AUH: variants seen among roughly 807,000 people sequenced by gnomAD.
The protein encoded by AUH is methylglutaconyl-CoA hydratase, mitochondrial.
AUH carries 29 observed loss-of-function variants against 42.3 expected under a neutral mutation model. The ratio of observed to expected loss-of-function variants is 0.69; its 90% CI spans 0.51 to 0.93. The LOEUF is 0.93. Ranked by LOEUF, AUH falls within the 40% of genes least tolerant of loss-of-function variation. The pLI is 0.00. For synonymous variants in AUH, 174 were observed against 166.4 expected (o/e 1.05, Z -0.35); for missense variants, 452 against 438.1 (o/e 1.03, Z -0.28).
chr9:91,269,972 G>A (rs1235747264), intron 6 of AUH, among the ~76,000 whole-genome samples: 2 of 152,210 alleles, frequency 1.3e-5, no homozygotes, highest in Non-Finnish European at 1.5e-5. Flanking sequence ...GCTAGTGTAA[G>A]AACTGTCTCC....
intron 6 of AUH, among the ~76,000 whole-genome samples, chr9:91,253,043 T>C (rs1039558089): frequency 7.9e-5 from 12 of 152,236 alleles, no homozygotes; most frequent in African/African-American, 2.9e-4. Flanking sequence ...TCATACAATT[T>C]CTTAAACAAA....
chr9:91,296,313 T>G (rs1827328042), intron 5 of AUH, among the ~76,000 whole-genome samples: 1 of 152,084 alleles, frequency 6.6e-6, no homozygotes, highest in Non-Finnish European at 1.5e-5. Context: ...GTGAATTAAT[T>G]TTTGATTCAC....
chr9:91,279,378 T>G (rs1400609030), intron 6 of AUH, among the ~76,000 whole-genome samples: 1 of 152,192 alleles, frequency 6.6e-6, no homozygotes, highest in African/African-American at 2.4e-5. Context: ...GAGATGGGAT[T>G]TCCAACAGTA....
intron 6 of AUH, among the ~76,000 whole-genome samples, chr9:91,281,892 T>C (rs1263570203): frequency 6.6e-6 from 1 of 152,160 alleles, no homozygotes; most frequent in East Asian, 1.9e-4. Flanking sequence ...CCTTCTAACC[T>C]GGCCCTACTA....
chr9:91,297,059 C>T (rs1827396626), intron 5 of AUH, among the ~76,000 whole-genome samples: 1 of 152,196 alleles, frequency 6.6e-6, no homozygotes, highest in Admixed American at 6.5e-5. Flanking sequence ...AGCCCGAGGA[C>T]ACAGGCAGAG....
intron 6 of AUH, among the ~76,000 whole-genome samples, chr9:91,271,742 G>A (rs1825146705): frequency 6.6e-6 from 1 of 152,118 alleles, no homozygotes; most frequent in Admixed American, 6.5e-5. Flanking sequence ...GTGCAATGGC[G>A]CAATCTCAGC....
At chr9:91,338,847 G>A (rs563537894) in intron 3 of AUH, among the ~76,000 whole-genome samples, 137 of 152,312 alleles carry the variant, frequency 9.0e-4, no homozygotes, top group Non-Finnish European at 1.2e-3. Flanking sequence ...AAACTAATGA[G>A]ACTCACTAAC....
At chr9:91,237,990 A>T (rs1262235178) in intron 6 of AUH, among the ~76,000 whole-genome samples, 2 of 152,222 alleles carry the variant, frequency 1.3e-5, no homozygotes, top group Non-Finnish European at 2.9e-5. Context: ...GATGAGCATT[A>T]CCAAGGGAGT....
At chr9:91,275,598 G>A (rs145236389) in intron 6 of AUH, among the ~76,000 whole-genome samples, 49 of 152,226 alleles carry the variant, frequency 3.2e-4, no homozygotes, top group Non-Finnish European at 5.4e-4. Flanking sequence ...ATCTTAACAC[G>A]GCATCAGGTA....
At position 91,361,791 on chromosome 9, in the gene AUH, C is replaced by T. The variant is rs1047793510; in HGVS notation, c.99G>A (p.Gly33=). The change falls in exon 1 of 10, where the codon GGG becomes GGA. Residue 33 remains glycine, a synonymous_variant. Coordinates refer to ENST00000375731, the MANE Select transcript of AUH (RefSeq NM_001698.3). ...CTGCCAACGAGCCGGGCAGCCTCAA[C>T]CCCGGGCAGAGCCACGCACTGCAAG... The part of the protein sequence containing the change: ...VAACSAWLCP[G]LRLPGSLAGR... The T allele has an allele frequency of 4.5e-6, 7 of 1,540,960 alleles. No individual in the cohort carries two copies. Among genetic ancestry groups the T allele is most frequent in the Non-Finnish European group, 6.1e-6 (7 of 1,145,438 alleles).
At chr9:91,346,904 A>G (rs2132019682) in intron 3 of AUH, among the ~76,000 whole-genome samples, 1 of 152,124 alleles carries the variant, frequency 6.6e-6, no homozygotes, top group Non-Finnish European at 1.5e-5. Flanking sequence ...GCAACTCAGG[A>G]ACAGACCAAT....
At chr9:91,326,173 T>C (rs560223169) in intron 3 of AUH, among the ~76,000 whole-genome samples, 2 of 152,242 alleles carry the variant, frequency 1.3e-5, no homozygotes, top group East Asian at 1.9e-4. Flanking sequence ...AATTACAGTA[T>C]AGAAGGCATA....
intron 6 of AUH, among the ~76,000 whole-genome samples, chr9:91,228,162 G>A (rs1373362439): frequency 6.6e-6 from 1 of 151,606 alleles, no homozygotes; most frequent in Non-Finnish European, 1.5e-5. Flanking sequence ...GGTAGAATTC[G>A]GCTGTGAATC....
At chr9:91,230,587 T>C (rs566869821) in intron 6 of AUH, among the ~76,000 whole-genome samples, 85 of 152,364 alleles carry the variant, frequency 5.6e-4, no homozygotes, top group African/African-American at 1.9e-3. Flanking sequence ...CTTTGTTCCG[T>C]TGCTGGTGAG....
intron 5 of AUH, among the ~76,000 whole-genome samples, 170 bp from the exon 6 acceptor site, chr9:91,296,247 T>C (rs1827324062): frequency 1.3e-5 from 2 of 152,028 alleles, no homozygotes; most frequent in South Asian, 2.1e-4. Flanking sequence ...GTAAGCACTC[T>C]AAATGACATG....
At chr9:91,227,672 T>C (rs1827592835) in intron 6 of AUH, among the ~76,000 whole-genome samples, 1 of 146,646 alleles carries the variant, frequency 6.8e-6, no homozygotes, top group Non-Finnish European at 1.5e-5. Context: ...CCATTCAGTA[T>C]GATATTGGCT....
intron 6 of AUH, among the ~76,000 whole-genome samples, chr9:91,254,417 T>C (rs1829301082): frequency 6.6e-6 from 1 of 152,130 alleles, no homozygotes; most frequent in South Asian, 2.1e-4. Flanking sequence ...GAAAATAAAG[T>C]GTTCAATGCC....
At chr9:91,291,574 A>C (rs1432413130) in intron 6 of AUH, among the ~76,000 whole-genome samples, 1 of 152,234 alleles carries the variant, frequency 6.6e-6, no homozygotes, top group Non-Finnish European at 1.5e-5. Flanking sequence ...TAATAGAGTA[A>C]GTATATATTA....
In AUH at chr9:91,313,557, T is replaced by A. The variant is rs549867743; in HGVS notation, c.505+11761A>T. ...CGTCTCTACTAAAAATACAAAAAATTAGCCGGGCGCGGTGGCGGGCGCCTG... is the reference window on the plus strand; with the variant it reads ...CGTCTCTACTAAAAATACAAAAAATAAGCCGGGCGCGGTGGCGGGCGCCTG... On this transcript the variant is annotated intron_variant, in intron 4 of 9. Transcript: ENST00000375731. 2.0e-5 allele frequency among the ~76,000 whole-genome samples: 3 copies of A among 151,200 alleles called. No homozygotes were observed. In the South Asian group the frequency reaches 6.3e-4, roughly 32 times the overall value.
Sources: allele counts gnomAD v4.1 joint callset (sites outside exome capture counted in the v4.1 genomes callset), GRCh38; gene constraint gnomAD v4.1.1; transcripts MANE v1.5; gene names NCBI Gene and HGNC (gene_info 2026-07-23, HGNC 2026-07-21).